Variants in ASTN2 observed in about 807,000 individuals in gnomAD.
The protein encoded by ASTN2 is astrotactin-2.
A neutral mutation model predicts 139.8 loss-of-function variants in ASTN2; 54 were observed. The ratio of observed to expected loss-of-function variants is 0.39; its 90% CI spans 0.31 to 0.48. ASTN2 has a LOEUF of 0.48. Ranked by LOEUF, ASTN2 falls within the 20% of genes least tolerant of loss-of-function variation. The pLI, the probability that ASTN2 is intolerant of heterozygous loss-of-function variation, is 0.95. For missense variants in ASTN2, 1,565 were observed against 1,725.1 expected, an observed-to-expected ratio of 0.91 and a Z score of 1.64; for synonymous variants, 756 against 719.5, an observed-to-expected ratio of 1.05 and a Z score of -0.81.
At chr9:117,078,495 A>G (rs1048355665) in intron 5 of ASTN2, among the ~76,000 whole-genome samples, 5 of 152,344 alleles carry the variant, frequency 3.3e-5, no homozygotes, top group East Asian at 3.9e-4. Context: ...CAAAAATACC[A>G]TGTTATTAGA....
intron 10 of ASTN2, among the ~76,000 whole-genome samples, chr9:116,912,917 G>A (rs142512439): frequency 6.6e-6 from 1 of 152,162 alleles, no homozygotes; most frequent in East Asian, 1.9e-4. Context: ...TTATTATTTT[G>A]AGATGGAGTC....
chr9:116,869,382 C>T (rs192055496), intron 10 of ASTN2, among the ~76,000 whole-genome samples: 31 of 152,242 alleles, frequency 2.0e-4, no homozygotes, highest in African/African-American at 6.0e-4. Context: ...TGCTCACATT[C>T]GCATGGTAGG....
chr9:117,291,147 A>G (rs1386909028), intron 2 of ASTN2, among the ~76,000 whole-genome samples, 179 bp downstream of exon 2: 1 of 152,190 alleles, frequency 6.6e-6, no homozygotes, highest in Admixed American at 6.5e-5. Context: ...CAGATGATGG[A>G]TGGGTATGCA....
chr9:117,141,584 C>A, intron 3 of ASTN2, 106 bp from the exon 4 acceptor site: 2 of 1,031,376 alleles, frequency 1.9e-6, no homozygotes, highest in Non-Finnish European at 2.6e-6. Flanking sequence ...CCCTAGAGCA[C>A]TAGACCTGGC....
intron 4 of ASTN2, among the ~76,000 whole-genome samples, chr9:117,114,437 G>C (rs939085699): frequency 6.6e-6 from 1 of 152,226 alleles, no homozygotes; most frequent in East Asian, 1.9e-4. Flanking sequence ...AATTCTTCCT[G>C]CAGCTGTCTG....
chr9:117,173,924 T>C (rs188094335), intron 3 of ASTN2, among the ~76,000 whole-genome samples: 68 of 151,514 alleles, frequency 4.5e-4, no homozygotes, highest in Admixed American at 2.2e-3. Context: ...CTTTTATCAC[T>C]ACGTCTTGCT....
chr9:116,754,058 G>GGTGTT (rs1248626323), intron 13 of ASTN2, among the ~76,000 whole-genome samples: 3 of 146,572 alleles, frequency 2.0e-5, no homozygotes, highest in Non-Finnish European at 4.5e-5. Flanking sequence ...GAGAACACGC[G>GGTGTT]GTGTTTGGTT....
At chr9:117,079,292 T>C (rs1828362358) in intron 5 of ASTN2, among the ~76,000 whole-genome samples, 1 of 152,000 alleles carries the variant, frequency 6.6e-6, no homozygotes, top group South Asian at 2.1e-4. Flanking sequence ...GGAGGTCAAG[T>C]CTGGTGTGAG....
intron 2 of ASTN2, among the ~76,000 whole-genome samples, chr9:117,222,370 A>G (rs1423782785): frequency 1.1e-4 from 17 of 152,198 alleles, no homozygotes; most frequent in Admixed American, 1.1e-3. Flanking sequence ...CCAAGTATCC[A>G]ACCACAGTGA....
At chr9:117,081,815 C>T (rs1450715632) in intron 5 of ASTN2, among the ~76,000 whole-genome samples, 4 of 152,082 alleles carry the variant, frequency 2.6e-5, no homozygotes, top group African/African-American at 9.7e-5. Flanking sequence ...GAGAACGGTC[C>T]CTGCTGACAG....
intron 16 of ASTN2, among the ~76,000 whole-genome samples, chr9:116,676,510 A>T (rs142456682): frequency 1.8e-3 from 270 of 152,310 alleles, no homozygotes; most frequent in Non-Finnish European, 1.9e-3. Flanking sequence ...ACAGTACAAA[A>T]TTCCTCTGTC....
At chr9:116,977,047 G>A (rs1793735194) in intron 7 of ASTN2, among the ~76,000 whole-genome samples, 5 of 152,156 alleles carry the variant, frequency 3.3e-5, no homozygotes, top group Admixed American at 2.6e-4. Context: ...GGTCAAAGTT[G>A]CAACCCAGCC....
In ASTN2 at chr9:116,980,872, T is replaced by G. The variant is rs185032368; in HGVS notation, c.1592-4087A>C. 6.2e-3 allele frequency among the ~76,000 whole-genome samples: 948 copies of G among 152,216 alleles called. 5 individuals are homozygous for G. The highest frequency in any genetic ancestry group is 9.9e-3 in the Non-Finnish European group (673 of 68,008). ...GTAATTAACCTCTTCCCTGGGTGACTCCTTTCTTCAACTCTGCTTCTGCAC... is the reference window on the plus strand; with the variant it reads ...GTAATTAACCTCTTCCCTGGGTGACGCCTTTCTTCAACTCTGCTTCTGCAC... On this transcript the variant is annotated intron_variant, in intron 7 of 22. Transcript: ENST00000313400.
At chr9:117,131,186 T>C (rs1040610785) in intron 4 of ASTN2, among the ~76,000 whole-genome samples, 1 of 152,134 alleles carries the variant, frequency 6.6e-6, no homozygotes, top group African/African-American at 2.4e-5. Flanking sequence ...ACTGAATGAA[T>C]CCCCTACCAC....
chr9:117,253,518 T>G (rs1331565101), intron 2 of ASTN2, among the ~76,000 whole-genome samples: 1 of 152,106 alleles, frequency 6.6e-6, no homozygotes, highest in Non-Finnish European at 1.5e-5. Context: ...AGCTGGACAT[T>G]GTGACAAAAG....
At chr9:116,463,133 G>A (rs941954579) in intron 20 of ASTN2, among the ~76,000 whole-genome samples, 1 of 151,968 alleles carries the variant, frequency 6.6e-6, no homozygotes, top group African/African-American at 2.4e-5. Context: ...TTTCTCAAAT[G>A]TACCCGCCTT....
intron 16 of ASTN2, among the ~76,000 whole-genome samples, chr9:116,655,164 T>A (rs1157494166): frequency 6.6e-6 from 1 of 152,226 alleles, no homozygotes; most frequent in Non-Finnish European, 1.5e-5. Flanking sequence ...TTAACAGTGA[T>A]CCATTTCTTA....
chr9:117,290,497 C>CA (rs1211062399), intron 2 of ASTN2, among the ~76,000 whole-genome samples: 1 of 152,152 alleles, frequency 6.6e-6, no homozygotes, highest in African/African-American at 2.4e-5. Context: ...ATCATGGGGC[C>CA]AACAGAGCTG....
chr9:116,633,355 C>T (rs1038986170), intron 17 of ASTN2, among the ~76,000 whole-genome samples: 1 of 152,130 alleles, frequency 6.6e-6, no homozygotes, highest in Non-Finnish European at 1.5e-5. Flanking sequence ...CAGCCTGTGT[C>T]CTACAAGGCG....
Sources: gnomAD v4.1 joint callset for allele counts (sites outside exome capture counted in the v4.1 genomes callset) on GRCh38, gnomAD v4.1.1 for gene constraint, MANE v1.5 for transcripts, NCBI Gene and HGNC (gene_info 2026-07-23, HGNC 2026-07-21) for gene names.